The following RPH3AL variants were observed in gnomAD, a reference collection of about 807,000 sequenced individuals.
RPH3AL encodes the protein rab effector Noc2.
A neutral mutation model predicts 43.1 loss-of-function variants in RPH3AL; 38 were observed. The observed-to-expected ratio is 0.88, with a 90% CI of 0.68 to 1.15. The LOEUF is 1.15. Ranked by LOEUF, RPH3AL falls within the 50% of genes most tolerant of loss-of-function variation. The pLI, the probability that RPH3AL is intolerant of heterozygous loss-of-function variation, is 0.00. For synonymous variants in RPH3AL, 189 were observed against 176.3 expected (o/e 1.07, Z -0.57); for missense variants, 462 against 423.2 (o/e 1.09, Z -0.81).
chr17:243,727 C>T (rs1301993497), intron 7 of RPH3AL, among the ~76,000 whole-genome samples: 1 of 143,752 alleles, frequency 7.0e-6, no homozygotes, highest in Admixed American at 7.1e-5. Flanking sequence ...TACCCTTCCT[C>T]TATTGATTAC....
At position 274,201 on chromosome 17, in the gene RPH3AL, A is replaced by G. The variant is rs2042600444; in HGVS notation, c.438+7567T>C. On this transcript the variant is annotated intron_variant, in intron 6 of 9. Transcript: ENST00000331302. This position sits in a 1 kb window ranked among gnomAD's most constrained non-coding sequence, Gnocchi z 4.7. ...CCCAGCCCCAACTAACGCACCCATG[A>G]AAGCACGTGGAAAAGGCACCGCGAA... Among the ~76,000 whole-genome samples the G allele has an allele frequency of 6.6e-6, 1 of 152,226 alleles. No individual in the cohort carries two copies. Among genetic ancestry groups the G allele is most frequent in the Non-Finnish European group, 1.5e-5 (1 of 68,034 alleles).
rs1221151245 is a variant in RPH3AL at position 299,903 on chromosome 17, C to CG, written c.352-18050dup. Among the ~76,000 whole-genome samples, 4 of 152,230 alleles carry CG rather than the reference C, an allele frequency of 2.6e-5. No homozygotes were observed. In the East Asian group the frequency reaches 5.8e-4, roughly 22 times the overall value. On this transcript the variant is annotated intron_variant, in intron 5 of 9. Coordinates refer to ENST00000331302, the MANE Select transcript of RPH3AL (RefSeq NM_006987.4). Reference sequence around the variant, plus strand: ...CACTGAGCCTAGGGGGCAGGTGTCCCGGGGGAGAAGGAGTCCCTGCAGGAC... The same window carrying CG: ...CACTGAGCCTAGGGGGCAGGTGTCCCGGGGGGAGAAGGAGTCCCTGCAGGAC...
Position 245,007 on chromosome 17 carries a change from A to AGT in RPH3AL, c.613+2102_613+2103dup, listed in dbSNP as rs1021133774. Among the ~76,000 whole-genome samples the AGT allele has an allele frequency of 3.3e-5, 5 of 151,610 alleles. No individual in the cohort carries two copies. The East Asian group carries it at 9.7e-4, about 29-fold the overall frequency. On this transcript the variant is annotated intron_variant, in intron 7 of 9. Transcript: ENST00000331302. This position sits in a 1 kb window ranked among gnomAD's most constrained non-coding sequence, Gnocchi z 5.9. ...GCAAGTGTGTATGCATGTGGATATG[A>AGT]GTGTGTGTATGTGGATGTGTGTGTG...
intron 7 of RPH3AL, among the ~76,000 whole-genome samples, chr17:223,637 C>T (rs1567562787): frequency 6.6e-6 from 1 of 152,084 alleles, no homozygotes; most frequent in Non-Finnish European, 1.5e-5. Context: ...AATTCAGAGA[C>T]CGCACTGAAG....
At chr17:273,877 C>T (rs1357526365) in intron 6 of RPH3AL, among the ~76,000 whole-genome samples, 1 of 152,174 alleles carries the variant, frequency 6.6e-6, no homozygotes, top group African/African-American at 2.4e-5. Flanking sequence ...TCTTAACCAG[C>T]TTTCAGCTCC....
intron 1 of RPH3AL, among the ~76,000 whole-genome samples, chr17:336,803 T>G (rs1377019819): frequency 6.6e-6 from 1 of 152,092 alleles, no homozygotes; most frequent in Non-Finnish European, 1.5e-5. Flanking sequence ...ACCAGGACCT[T>G]GAGGCATTGC....
At position 323,357 on chromosome 17, in the gene RPH3AL, G is replaced by GA. The variant is rs1307585543; in HGVS notation, c.78-1943dup. ...ATACCGGGGCAGCAGGGCAGGGCTG[G>GA]AAGGGGGGCAAGGCCAGTAGAGTGG... is the stretch of plus-strand genomic sequence containing the variant. On this transcript the variant is annotated intron_variant, in intron 3 of 9. Transcript: ENST00000331302. This position sits in a 1 kb window ranked among gnomAD's most constrained non-coding sequence, Gnocchi z 4.4. Among the ~76,000 whole-genome samples the GA allele has an allele frequency of 6.6e-6, 1 of 152,198 alleles. No individual in the cohort carries two copies. The highest frequency in any genetic ancestry group is 2.4e-5 in the African/African-American group (1 of 41,436).
intron 6 of RPH3AL, among the ~76,000 whole-genome samples, chr17:278,186 T>G (rs777353318): frequency 6.6e-6 from 1 of 152,188 alleles, no homozygotes; most frequent in Non-Finnish European, 1.5e-5. Context: ...GTTCTCGTGA[T>G]AGTGAATGAG....
In RPH3AL at chr17:213,533, G is replaced by A; in HGVS notation, c.*319C>T. 2.1e-6 allele frequency: 1 copy of A among 467,694 alleles called. No homozygotes were observed. Among genetic ancestry groups the A allele is most frequent in the South Asian group, 2.2e-5 (1 of 45,234 alleles). 29.0% of individuals were successfully genotyped at this position (467,694 alleles called of 1,614,324 possible). A position where few individuals can be genotyped will look rare whatever the true frequency, so the allele number is the denominator to read the frequency against. ...GCGGCCCCTCTGACACTGCATGTGG[G>A]AAACCCCCCAGCCCAACCCAAGACA... is the stretch of plus-strand genomic sequence containing the variant. On this transcript the variant is annotated 3_prime_UTR_variant, in exon 10 of 10. Coordinates refer to ENST00000331302, the MANE Select transcript of RPH3AL (RefSeq NM_006987.4).
At chr17:321,612 T>C in intron 3 of RPH3AL, 197 bp from the exon 4 acceptor site, 1 of 556,648 alleles carries the variant, frequency 1.8e-6, no homozygotes, top group Non-Finnish European at 3.0e-6. Context: ...ACGGCCCAGG[T>C]GGCAACAGAG....
intron 5 of RPH3AL, among the ~76,000 whole-genome samples, chr17:317,283 G>C (rs1297016543): frequency 7.1e-6 from 1 of 139,946 alleles, no homozygotes; most frequent in Non-Finnish European, 1.5e-5. Context: ...CCATTGACCT[G>C]TAGTCTCTCT....
rs760008422 is a variant in RPH3AL, at chr17:215,611, C to T, written c.876+43G>A. 6.1e-5 allele frequency: 76 copies of T among 1,256,108 alleles called. No individual in the cohort carries two copies. Among genetic ancestry groups the T allele is most frequent in the East Asian group, 3.5e-4 (11 of 31,748 alleles). 77.8% of individuals were successfully genotyped at this position (1,256,108 alleles called of 1,614,324 possible). A position where few individuals can be genotyped will look rare whatever the true frequency, so the allele number is the denominator to read the frequency against. On this transcript the variant is annotated intron_variant, in intron 9 of 9. Coordinates refer to ENST00000331302, the MANE Select transcript of RPH3AL (RefSeq NM_006987.4). This position sits in a 1 kb window ranked among gnomAD's most constrained non-coding sequence, Gnocchi z 4.1. ...AGGAGTGAGTGAGAGAGGACACGGC[C>T]GCGGGGGCAGGAGAGGGGAGAAGGC... is the stretch of plus-strand genomic sequence containing the variant.
At chr17:253,562 T>A (rs553989881) in intron 6 of RPH3AL, among the ~76,000 whole-genome samples, 6 of 152,252 alleles carry the variant, frequency 3.9e-5, no homozygotes, top group African/African-American at 1.4e-4. Context: ...ACGTATCACC[T>A]GAAGTGCAAC....
intron 9 of RPH3AL, among the ~76,000 whole-genome samples, chr17:214,524 G>A (rs2040746287): frequency 1.3e-5 from 2 of 152,196 alleles, no homozygotes; most frequent in African/African-American, 4.8e-5. Flanking sequence ...CCAACACTTT[G>A]GGAGGCCAAG....
At chr17:247,419 C>T in intron 6 of RPH3AL, 134 bp from the exon 7 acceptor site, 2 of 874,566 alleles carry the variant, frequency 2.3e-6, no homozygotes, top group Non-Finnish European at 3.4e-6. Flanking sequence ...GCTCTGCCCT[C>T]CCTGGCTGAT....
chr17:232,749 C>T (rs2041256740), intron 7 of RPH3AL, among the ~76,000 whole-genome samples: 1 of 151,932 alleles, frequency 6.6e-6, no homozygotes, highest in African/African-American at 2.4e-5. Context: ...TTCCAAGGTG[C>T]CACACAGGGC....
intron 7 of RPH3AL, among the ~76,000 whole-genome samples, chr17:236,208 C>G (rs945409996): frequency 1.6e-4 from 24 of 152,372 alleles, no homozygotes; most frequent in Middle Eastern, 3.4e-3. Context: ...ACAGGACCCC[C>G]ACTCTAATGT....
intron 1 of RPH3AL, among the ~76,000 whole-genome samples, chr17:349,651 A>C (rs1358434428): frequency 6.7e-6 from 1 of 149,926 alleles, no homozygotes; most frequent in Admixed American, 6.7e-5. Flanking sequence ...GCAAGACCCC[A>C]TCTCTATAAA....
intron 5 of RPH3AL, among the ~76,000 whole-genome samples, chr17:291,601 G>A (rs577748379): frequency 2.6e-5 from 4 of 152,286 alleles, no homozygotes; most frequent in East Asian, 3.9e-4. Flanking sequence ...AGCATAATGA[G>A]AGCCTCCACG....
Sources: allele counts gnomAD v4.1 joint callset (sites outside exome capture counted in the v4.1 genomes callset), GRCh38; gene constraint gnomAD v4.1.1; non-coding constraint Gnocchi (gnomAD v3.1); transcripts MANE v1.5; gene names NCBI Gene and HGNC (gene_info 2026-07-23, HGNC 2026-07-21).